The following MAGI2 variants were observed in gnomAD, a reference collection of about 807,000 sequenced individuals.
MAGI2 encodes membrane associated guanylate kinase, WW and PDZ domain containing 2, also known as membrane-associated guanylate kinase, WW and PDZ domain-containing protein 2.
Under a neutral mutation model 133.3 loss-of-function variants are expected in MAGI2, and 35 were observed. The ratio of observed to expected loss-of-function variants is 0.26; its 90% CI spans 0.20 to 0.35. MAGI2 has a LOEUF of 0.35. MAGI2 is among the 10% of genes least tolerant of loss of function. The probability of loss-of-function intolerance (pLI) is 1.00; values close to 1 mark genes in which losing one functional copy is unlikely to be tolerated. For synonymous variants in MAGI2, 729 were observed against 710.6 expected (o/e 1.03, Z -0.41); for missense variants, 1,636 against 1,863.4 (o/e 0.88, Z 2.25).
chr7:79,278,451 C>T (rs962064121), intron 1 of MAGI2, among the ~76,000 whole-genome samples: 3 of 152,134 alleles, frequency 2.0e-5, no homozygotes, highest in Non-Finnish European at 4.4e-5. Flanking sequence ...ATCCTTTCCC[C>T]TTTTGTTTTG....
intron 2 of MAGI2, among the ~76,000 whole-genome samples, chr7:78,714,459 T>A (rs993510238): frequency 6.6e-6 from 1 of 152,152 alleles, no homozygotes; most frequent in African/African-American, 2.4e-5. Context: ...ATGTGAAATC[T>A]CTGTGTGTTC....
chr7:78,644,265 C>T (rs1810610483), intron 2 of MAGI2, among the ~76,000 whole-genome samples: 1 of 151,960 alleles, frequency 6.6e-6, no homozygotes, highest in African/African-American at 2.4e-5. Context: ...ATTGATAAAA[C>T]AAGTAGACAG....
At chr7:79,217,063 A>G (rs1319836815) in intron 1 of MAGI2, among the ~76,000 whole-genome samples, 3 of 152,044 alleles carry the variant, frequency 2.0e-5, no homozygotes. Context: ...AAATATAGAA[A>G]TTGTAACTTG....
chr7:78,599,251 A>G (rs1804934266), intron 3 of MAGI2, among the ~76,000 whole-genome samples: 1 of 152,156 alleles, frequency 6.6e-6, no homozygotes, highest in African/African-American at 2.4e-5. Context: ...CCATTTTTGT[A>G]TACTTAAAAG....
chr7:78,310,004 G>T (rs929983387), intron 9 of MAGI2, among the ~76,000 whole-genome samples: 2 of 152,052 alleles, frequency 1.3e-5, no homozygotes, highest in African/African-American at 4.8e-5. Context: ...GATACCTAGG[G>T]TTTGTGGCAG....
At chr7:78,414,207 A>G (rs549253433) in intron 6 of MAGI2, among the ~76,000 whole-genome samples, 4 of 152,188 alleles carry the variant, frequency 2.6e-5, no homozygotes, top group African/African-American at 9.6e-5. Flanking sequence ...AAATAAGGGA[A>G]AGGTTAGATT....
intron 1 of MAGI2, among the ~76,000 whole-genome samples, chr7:79,380,556 AT>A (rs1244739217): frequency 6.6e-6 from 1 of 151,786 alleles, no homozygotes; most frequent in African/African-American, 2.4e-5. Context: ...GGAAAGAGTT[AT>A]TGTTAATCAT....
At chr7:78,835,897 C>A (rs1176964001) in intron 2 of MAGI2, among the ~76,000 whole-genome samples, 1 of 152,110 alleles carries the variant, frequency 6.6e-6, no homozygotes, top group Non-Finnish European at 1.5e-5. Context: ...TTATGTTGGC[C>A]GTGGGTCAGC....
At chr7:78,772,163 T>C (rs1389969785) in intron 2 of MAGI2, among the ~76,000 whole-genome samples, 2 of 152,224 alleles carry the variant, frequency 1.3e-5, no homozygotes, top group Non-Finnish European at 2.9e-5. Context: ...AAGTTTTTAA[T>C]ATCCAGTGGA....
At chr7:78,943,090 A>G (rs1801120204) in intron 2 of MAGI2, among the ~76,000 whole-genome samples, 1 of 152,122 alleles carries the variant, frequency 6.6e-6, no homozygotes, top group African/African-American at 2.4e-5. Context: ...TAGTATACTA[A>G]TTTGTAAAAT....
At chr7:78,990,361 G>A (rs1269119172) in intron 2 of MAGI2, among the ~76,000 whole-genome samples, 1 of 152,030 alleles carries the variant, frequency 6.6e-6, no homozygotes, top group Admixed American at 6.6e-5. Context: ...TTCTAATCAA[G>A]TTTAAGACCC....
intron 1 of MAGI2, among the ~76,000 whole-genome samples, chr7:79,340,632 C>A (rs1466393965): frequency 2.0e-5 from 3 of 151,888 alleles, no homozygotes; most frequent in Admixed American, 1.3e-4. Flanking sequence ...TAATTGTCTG[C>A]CAGTTTTTAA....
intron 2 of MAGI2, among the ~76,000 whole-genome samples, chr7:78,908,164 A>G (rs529580150): frequency 8.9e-4 from 136 of 152,322 alleles, no homozygotes; most frequent in African/African-American, 3.1e-3. Flanking sequence ...GTAGAATGCT[A>G]TAAGTACCTG....
At chr7:78,542,650 G>A (rs910201083) in intron 3 of MAGI2, among the ~76,000 whole-genome samples, 1 of 152,124 alleles carries the variant, frequency 6.6e-6, no homozygotes, top group Admixed American at 6.6e-5. Context: ...CAAGCATGAA[G>A]TCCCTGGGAA....
At chr7:78,472,955 C>T (rs1178141164) in intron 6 of MAGI2, among the ~76,000 whole-genome samples, 1 of 152,030 alleles carries the variant, frequency 6.6e-6, no homozygotes, top group Non-Finnish European at 1.5e-5. Flanking sequence ...AACTGAGGAA[C>T]CACAAGGGAA....
chr7:79,421,706 T>G (rs1441765136), intron 1 of MAGI2, among the ~76,000 whole-genome samples: 1 of 151,884 alleles, frequency 6.6e-6, no homozygotes, highest in Non-Finnish European at 1.5e-5. Flanking sequence ...TAAAAGAAAG[T>G]TACAGCCATT....
intron 1 of MAGI2, among the ~76,000 whole-genome samples, chr7:79,103,838 T>C (rs1379311388): frequency 1.3e-5 from 2 of 151,142 alleles, no homozygotes; most frequent in African/African-American, 4.8e-5. Flanking sequence ...TAGCTGGGAC[T>C]ACAGGCGCCC....
At chr7:78,077,034 T>A (rs922924211) in intron 21 of MAGI2, among the ~76,000 whole-genome samples, 19 of 152,132 alleles carry the variant, frequency 1.2e-4, no homozygotes, top group African/African-American at 4.6e-4. Flanking sequence ...TTCTACTTGC[T>A]CACTACAGAC....
chr7:79,452,290 C>A (rs1849333578), intron 1 of MAGI2, among the ~76,000 whole-genome samples: 1 of 152,222 alleles, frequency 6.6e-6, no homozygotes, highest in African/African-American at 2.4e-5. Context: ...TAGCACCGCG[C>A]CTTCTTCCGG....
Sources: gnomAD v4.1 joint callset for allele counts (sites outside exome capture counted in the v4.1 genomes callset) on GRCh38, gnomAD v4.1.1 for gene constraint, MANE v1.5 for transcripts, NCBI Gene and HGNC (gene_info 2026-07-23, HGNC 2026-07-21) for gene names.